Variants in ODAD2 observed in about 807,000 individuals in gnomAD.
The protein encoded by ODAD2 is outer dynein arm-docking complex subunit 2.
In ODAD2, 89 loss-of-function variants were observed where a neutral mutation model predicts 106.8. That is an observed-to-expected ratio of 0.83 (90% CI 0.70 to 0.99). ODAD2 has a LOEUF of 0.99. Ranked by LOEUF, ODAD2 falls within the 50% of genes least tolerant of loss-of-function variation. ODAD2 has a pLI of 0.00. For missense variants in ODAD2, 1,168 were observed against 1,238.5 expected, an observed-to-expected ratio of 0.94 and a Z score of 0.85; for synonymous variants, 404 against 436.2, an observed-to-expected ratio of 0.93 and a Z score of 0.92.
At chr10:27,970,832 C>A (rs752791062) in intron 8 of ODAD2, among the ~76,000 whole-genome samples, 2 of 151,846 alleles carry the variant, frequency 1.3e-5, no homozygotes, top group African/African-American at 2.4e-5. Context: ...GTTAGCCAGG[C>A]GTGGTGGCAT....
intron 10 of ODAD2, among the ~76,000 whole-genome samples, chr10:27,952,158 A>G (rs1847387610): frequency 6.6e-6 from 1 of 151,296 alleles, no homozygotes; most frequent in African/African-American, 2.4e-5. Flanking sequence ...TTGCATCATC[A>G]AGAATTAAAA....
chr10:27,959,187 T>TGGAGAGGAGG (rs1847934923), intron 10 of ODAD2, among the ~76,000 whole-genome samples: 1 of 23,400 alleles, frequency 4.3e-5, no homozygotes, highest in African/African-American at 1.9e-4. Flanking sequence ...GGGAGGGGAG[T>TGGAGAGGAGG]GGAGAGGAGG....
chr10:27,854,618 T>A (rs1291119801), intron 19 of ODAD2, among the ~76,000 whole-genome samples: 3 of 151,866 alleles, frequency 2.0e-5, no homozygotes, highest in Non-Finnish European at 2.9e-5. Context: ...TAGCCCGGTG[T>A]GGTGGTGCAT....
At chr10:27,999,487 G>T (rs1850748002), upstream of ODAD2, among the ~76,000 whole-genome samples, 1 of 152,114 alleles carries the variant, frequency 6.6e-6, no homozygotes. Context: ...ATACTCACCG[G>T]GAAAGCAGAA....
chr10:27,838,411 T>C (rs962086865), intron 19 of ODAD2, among the ~76,000 whole-genome samples: 1 of 152,242 alleles, frequency 6.6e-6, no homozygotes, highest in Non-Finnish European at 1.5e-5. Flanking sequence ...TTTCCTGTGA[T>C]AAATTTCAGA....
chr10:27,865,800 G>A (rs532447714), intron 17 of ODAD2, among the ~76,000 whole-genome samples: 34 of 152,216 alleles, frequency 2.2e-4, no homozygotes, highest in Non-Finnish European at 2.8e-4. Flanking sequence ...AAATGGTGAA[G>A]GCAGGACACG....
intron 16 of ODAD2, among the ~76,000 whole-genome samples, chr10:27,934,361 A>G (rs1845814808): frequency 6.6e-6 from 1 of 151,536 alleles, no homozygotes; most frequent in Non-Finnish European, 1.5e-5. Context: ...CCTTTGTTGG[A>G]GTAAAGATAT....
intron 16 of ODAD2, among the ~76,000 whole-genome samples, chr10:27,909,493 AG>A (rs1843837287): frequency 6.6e-6 from 1 of 152,150 alleles, no homozygotes; most frequent in Non-Finnish European, 1.5e-5. Context: ...ATAATGAGTG[AG>A]GATTTTGATC....
At chr10:27,943,181 C>T in intron 12 of ODAD2, among the ~76,000 whole-genome samples, 1 of 152,126 alleles carries the variant, frequency 6.6e-6, no homozygotes, top group Non-Finnish European at 1.5e-5. Context: ...AAGATCTTTC[C>T]TAATGATGGC....
chr10:27,875,632 A>C (rs2991938), intron 17 of ODAD2, among the ~76,000 whole-genome samples: 1 of 152,106 alleles, frequency 6.6e-6, no homozygotes, highest in African/African-American at 2.4e-5. Flanking sequence ...TGCAGAAGAC[A>C]GGTGATTTCT....
At chr10:27,847,060 C>G (rs1838827047) in intron 19 of ODAD2, among the ~76,000 whole-genome samples, 1 of 152,122 alleles carries the variant, frequency 6.6e-6, no homozygotes, top group African/African-American at 2.4e-5. Flanking sequence ...GGAATCCTCC[C>G]TAACTCATTT....
chr10:27,815,708 G>A (rs183792647), intron 19 of ODAD2, among the ~76,000 whole-genome samples: 38 of 152,154 alleles, frequency 2.5e-4, no homozygotes, highest in Non-Finnish European at 4.6e-4. Context: ...AACAAAAATT[G>A]TTAGAGTTCA....
At chr10:27,815,308 C>G (rs192960396) in intron 19 of ODAD2, among the ~76,000 whole-genome samples, 2 of 152,292 alleles carry the variant, frequency 1.3e-5, no homozygotes, top group Non-Finnish European at 2.9e-5. Flanking sequence ...ATCATTTAAA[C>G]ACGTCTTACA....
chr10:27,823,792 T>C (rs1836800008), intron 19 of ODAD2, among the ~76,000 whole-genome samples: 1 of 152,106 alleles, frequency 6.6e-6, no homozygotes, highest in Non-Finnish European at 1.5e-5. Context: ...GGTGTCCCGT[T>C]AGATAGTCAA....
intron 19 of ODAD2, among the ~76,000 whole-genome samples, chr10:27,843,684 C>T (rs891235039): frequency 2.0e-5 from 3 of 151,982 alleles, no homozygotes; most frequent in African/African-American, 7.3e-5. Flanking sequence ...AGAAGAATTG[C>T]TTGAACCTGG....
chr10:27,944,779 A>G, intron 11 of ODAD2, 37 bp downstream of exon 11: 1 of 1,613,588 alleles, frequency 6.2e-7, no homozygotes, highest in East Asian at 2.2e-5. Context: ...GGAAGGTGGG[A>G]ACAAGACTCC....
intron 19 of ODAD2, among the ~76,000 whole-genome samples, chr10:27,822,602 C>T (rs1469527208): frequency 2.6e-5 from 4 of 152,212 alleles, no homozygotes; most frequent in African/African-American, 9.6e-5. Context: ...CCAACAGAGG[C>T]TCCACTGCAG....
chr10:27,864,571 G>A (rs1373245217), intron 17 of ODAD2, among the ~76,000 whole-genome samples: 1 of 149,828 alleles, frequency 6.7e-6, no homozygotes. Context: ...CGGGGAGTGA[G>A]GTGAGAATGG....
intron 6 of ODAD2, 48 bp from the exon 7 acceptor site, chr10:27,981,630 G>T (rs775567146): frequency 1.4e-5 from 18 of 1,276,776 alleles, no homozygotes; most frequent in Non-Finnish European, 1.8e-5. Context: ...AAGAACAATT[G>T]TAAGAAGCTG....
Sources: allele counts gnomAD v4.1 joint callset (sites outside exome capture counted in the v4.1 genomes callset), GRCh38; gene constraint gnomAD v4.1.1; transcripts MANE v1.5; gene names NCBI Gene and HGNC (gene_info 2026-07-23, HGNC 2026-07-21).